The following WDR19 variants were observed in gnomAD, a reference collection of about 807,000 sequenced individuals.
WDR19 encodes WD repeat-containing protein 19.
Under a neutral mutation model 180.0 loss-of-function variants are expected in WDR19, and 121 were observed. That is an observed-to-expected ratio of 0.67 (90% CI 0.58 to 0.78). The LOEUF is 0.78. WDR19 is among the 30% of genes least tolerant of loss of function. The pLI is 0.00. For missense variants in WDR19, 1,450 were observed against 1,640.7 expected (o/e 0.88, Z 2.01); for synonymous variants, 497 against 540.7 (o/e 0.92, Z 1.12).
intron 23 of WDR19, 22 bp from the exon 24 acceptor site, chr4:39,245,347 T>A (rs1181016937): frequency 6.2e-7 from 1 of 1,605,108 alleles, no homozygotes; most frequent in Admixed American, 1.7e-5. Flanking sequence ...CTCATACTGT[T>A]CTCCTGGACC....
At chr4:39,228,832 T>C in intron 17 of WDR19, 142 bp downstream of exon 17, 3 of 912,778 alleles carry the variant, frequency 3.3e-6, no homozygotes, top group Non-Finnish European at 4.7e-6. Flanking sequence ...AATGTAGAAG[T>C]ACAAGTGCAG....
At chr4:39,215,321 CTTTCTTTT>C (rs1728955356) in intron 10 of WDR19, among the ~76,000 whole-genome samples, 1 of 149,310 alleles carries the variant, frequency 6.7e-6, no homozygotes, top group Admixed American at 6.6e-5. Context: ...TTCTTTCTTT[CTTTCTTTT>C]TTTTTGAGAC....
At chr4:39,273,845 A>G (rs1242812096) in intron 32 of WDR19, 1 of 152,206 alleles carries the variant, frequency 6.6e-6, no homozygotes, top group African/African-American at 2.4e-5. Flanking sequence ...AGGCCTCACT[A>G]TTCCAAAAGA....
intron 36 of WDR19, among the ~76,000 whole-genome samples, chr4:39,284,099 T>G (rs1736876995): frequency 6.6e-6 from 1 of 152,068 alleles, no homozygotes; most frequent in South Asian, 2.1e-4. Flanking sequence ...CGAATCTGTA[T>G]GTTTATATTT....
In WDR19 at chr4:39,253,297, C is replaced by T. The variant is rs1489278091; in HGVS notation, c.2876+5C>T. ...TGGAGCCAAAATGGTAGCCAGGTAA[C>T]ATAATACATTAATATTTTTGGACTT... On this transcript the variant is annotated splice_donor_5th_base_variant and intron_variant, in intron 25 of 36. Coordinates refer to ENST00000399820, the MANE Select transcript of WDR19 (RefSeq NM_025132.4). 7 of 1,606,702 alleles carry T rather than the reference C, an allele frequency of 4.4e-6. No homozygotes were observed. The highest frequency in any genetic ancestry group is 1.7e-5 in the Admixed American group (1 of 58,014).
chr4:39,235,046 A>G (rs1461196975), intron 20 of WDR19, among the ~76,000 whole-genome samples, 171 bp downstream of exon 20: 1 of 152,178 alleles, frequency 6.6e-6, no homozygotes, highest in African/African-American at 2.4e-5. Flanking sequence ...TGTCTTATCC[A>G]TGCATTATCC....
At chr4:39,263,341 G>A (rs969263801) in intron 28 of WDR19, among the ~76,000 whole-genome samples, 3 of 152,132 alleles carry the variant, frequency 2.0e-5, no homozygotes, top group South Asian at 2.1e-4. Context: ...TCCATGTTAC[G>A]GTCACATTTT....
chr4:39,183,396 C>G (rs1285419464), intron 1 of WDR19, among the ~76,000 whole-genome samples: 1 of 151,760 alleles, frequency 6.6e-6, no homozygotes, highest in Non-Finnish European at 1.5e-5. Context: ...ACTACAGGCG[C>G]GTGCCACCAC....
At chr4:39,232,071 G>A (rs574878035) in intron 18 of WDR19, 91 bp from the exon 19 acceptor site, 104 of 1,500,394 alleles carry the variant, frequency 6.9e-5, no homozygotes, top group African/African-American at 5.4e-4. Flanking sequence ...TCGATAGAAC[G>A]TTACCACTTC....
chr4:39,189,319 G>A (rs957799626), intron 3 of WDR19, among the ~76,000 whole-genome samples: 1 of 152,146 alleles, frequency 6.6e-6, no homozygotes, highest in Admixed American at 6.5e-5. Context: ...TTCCAGATGT[G>A]ATTCATTTGT....
Position 39,216,025 on chromosome 4 carries a change from G to T in WDR19, c.1134+12G>T. 1.3e-6 allele frequency: 2 copies of T among 1,557,638 alleles called. No individual in the cohort carries two copies. The highest frequency in any genetic ancestry group is 1.7e-6 in the Non-Finnish European group (2 of 1,153,880). ...ACCCTGTTGAAGGAGTATGAAAATG[G>T]TGTTATTTTTCTTTTATTTATTAAT... On this transcript the variant is annotated intron_variant, in intron 11 of 36. Coordinates refer to ENST00000399820, the MANE Select transcript of WDR19 (RefSeq NM_025132.4).
At chr4:39,187,383 G>A (rs1207392542) in intron 3 of WDR19, among the ~76,000 whole-genome samples, 4 of 142,172 alleles carry the variant, frequency 2.8e-5, no homozygotes, top group African/African-American at 1.0e-4. Flanking sequence ...TTGCGCTACT[G>A]TACTCCAGCC....
intron 30 of WDR19, among the ~76,000 whole-genome samples, chr4:39,269,611 C>T (rs1042971824): frequency 3.9e-5 from 6 of 152,154 alleles, no homozygotes; most frequent in Admixed American, 1.3e-4. Flanking sequence ...TTTGGGAGGC[C>T]GAGGAGGGTG....
At chr4:39,230,054 A>G (rs1260635092) in intron 17 of WDR19, among the ~76,000 whole-genome samples, 1 of 152,030 alleles carries the variant, frequency 6.6e-6, no homozygotes, top group Admixed American at 6.6e-5. Context: ...TCTGTTCTCC[A>G]CACACTTTTG....
chr4:39,248,501 A>C (rs564487786), intron 24 of WDR19, among the ~76,000 whole-genome samples: 1 of 152,356 alleles, frequency 6.6e-6, no homozygotes, highest in Admixed American at 6.5e-5. Flanking sequence ...CACACATAAC[A>C]ATACTAATCT....
At chr4:39,195,309 G>T (rs1372306806) in intron 5 of WDR19, among the ~76,000 whole-genome samples, 3 of 149,220 alleles carry the variant, frequency 2.0e-5, no homozygotes, top group Non-Finnish European at 4.4e-5. Context: ...GGATGTTGCA[G>T]TGAGCAGAGA....
At position 39,257,336 on chromosome 4, in the gene WDR19, A is replaced by G. The variant is rs577076859; in HGVS notation, c.3115-150A>G. 30 of 708,180 alleles carry G rather than the reference A, an allele frequency of 4.2e-5. No individual in the cohort carries two copies. In the South Asian group the frequency reaches 5.4e-4, roughly 13 times the overall value. The allele number at this position is 708,180 out of a possible 1,614,324, so 43.9% of individuals were successfully genotyped here. A position where few individuals can be genotyped will look rare whatever the true frequency, so the allele number is the denominator to read the frequency against. ...AACTATATCCAGCTTTTAAGGACAT[A>G]TTTAAGATCCAACACCATGCAAGCC... On this transcript the variant is annotated intron_variant, in intron 27 of 36. Transcript: ENST00000399820.
Position 39,268,067 on chromosome 4 carries a change from A to T in WDR19, c.3334A>T (p.Ile1112Phe). Reference sequence around the variant, plus strand: ...AGAAGCTGCCCAGACTGCCATCATCATTGCCAGAGAAGAGCAGTCTGCAGG... The same window carrying T: ...AGAAGCTGCCCAGACTGCCATCATCTTTGCCAGAGAAGAGCAGTCTGCAGG... ...YREAAQTAII[I>F]AREEQSAGNY... Residue 1112 changes from isoleucine to phenylalanine, a missense_variant, in exon 30 of 37, where the codon ATT becomes TTT. Physicochemically the swap from Ile to Phe is conservative, Grantham distance 21. Transcript: ENST00000399820. The T allele has an allele frequency of 6.3e-7, 1 of 1,596,956 alleles. No individual in the cohort carries two copies. The highest frequency in any genetic ancestry group is 2.3e-5 in the East Asian group (1 of 44,332).
intron 24 of WDR19, among the ~76,000 whole-genome samples, chr4:39,252,454 C>T (rs917212002): frequency 1.3e-5 from 2 of 151,466 alleles, no homozygotes; most frequent in African/African-American, 4.9e-5. Flanking sequence ...CACATGTATA[C>T]ATAGATAACA....
Sources: gnomAD v4.1 joint callset for allele counts (sites outside exome capture counted in the v4.1 genomes callset) on GRCh38, gnomAD v4.1.1 for gene constraint, MANE v1.5 for transcripts, NCBI Gene and HGNC (gene_info 2026-07-23, HGNC 2026-07-21) for gene names.